Variants in ARID1A observed in about 807,000 individuals in gnomAD.
The protein encoded by ARID1A is AT-rich interaction domain 1A.
ARID1A carries 20 observed loss-of-function variants against 212.6 expected under a neutral mutation model. That is an observed-to-expected ratio of 0.09 (90% CI 0.07 to 0.14). The LOEUF (loss-of-function observed/expected upper bound fraction) is 0.14, where lower values mean the gene tolerates loss of function less well. Among genes scored for constraint, ARID1A ranks in the 10% least tolerant of loss-of-function variants. The pLI, the probability that ARID1A is intolerant of heterozygous loss-of-function variation, is 1.00. For missense variants in ARID1A, 2,587 were observed against 3,059.0 expected, an observed-to-expected ratio of 0.85 and a Z score of 3.64; for synonymous variants, 1,376 against 1,222.1, an observed-to-expected ratio of 1.13 and a Z score of -2.63.
rs1014988053 is a variant in ARID1A at position 26,773,626 on chromosome 1, C to T, written c.3913C>T (p.Pro1305Ser). Residue 1305 changes from proline to serine, a missense_variant, in exon 16 of 20, where the codon CCA becomes TCA. Coordinates refer to ENST00000324856, the MANE Select transcript of ARID1A (RefSeq NM_006015.6). The stretch of plus-strand genomic sequence containing the variant: ...TGAGGGAAACATGAGCACTGGGGCC[C>T]CACAGCCGAATCTCATGCCTTCCAA... ...GPEGNMSTGA[P>S]QPNLMPSNPD... 4 of 1,614,184 alleles carry T rather than the reference C, an allele frequency of 2.5e-6. No individual in the cohort carries two copies. Among genetic ancestry groups the T allele is most frequent in the Admixed American group, 1.7e-5 (1 of 60,024 alleles).
In ARID1A at chr1:26,774,975, C is replaced by T. The variant is rs2124122009; in HGVS notation, c.4748C>T (p.Pro1583Leu). 2 of 1,548,148 alleles carry T rather than the reference C, an allele frequency of 1.3e-6. No individual in the cohort carries two copies. Residue 1583 changes from proline (P) to leucine (L), a missense_variant, in exon 18 of 20, where the codon CCT (proline) becomes CTT (leucine). This residue lies in a region of ARID1A where 890 missense variants were observed against 1,098.2 expected (regional missense o/e 0.81). Transcript: ENST00000324856. The surrounding 1 kb of genome is among the most constrained non-coding windows in gnomAD (Gnocchi z 5.6). ...QPPPSMQNHI[P>L]QVSSPAPLPR... is the part of the protein sequence containing the mutation. ...CCACCAAGCATGCAGAATCACATTC[C>T]TCAGGTATCCAGCCCTGCTCCCCTG...
intron 4 of ARID1A, among the ~76,000 whole-genome samples, chr1:26,745,210 G>A (rs1485880011): frequency 2.0e-5 from 3 of 152,166 alleles, no homozygotes; most frequent in Non-Finnish European, 2.9e-5. Flanking sequence ...CCAGGGGAAC[G>A]TCTATCTCGG....
rs2081192373 is a variant in ARID1A at position 26,781,276 on chromosome 1, G to A, written c.*520G>A. 1 of 235,582 alleles carries A rather than the reference G, an allele frequency of 4.2e-6. No individual in the cohort carries two copies. Among genetic ancestry groups the A allele is most frequent in the Non-Finnish European group, 8.4e-6 (1 of 119,606 alleles). 14.6% of individuals were successfully genotyped at this position (235,582 alleles called of 1,614,324 possible). A position where few individuals can be genotyped will look rare whatever the true frequency, so the allele number is the denominator to read the frequency against. On this transcript the variant is annotated 3_prime_UTR_variant, in exon 20 of 20. Transcript: ENST00000324856. The stretch of plus-strand genomic sequence containing the variant: ...TCTTGCAGGAGCCAAGAAGTTCGCA[G>A]TTGTGAACAGACCCTGTTCACTGGA...
intron 1 of ARID1A, among the ~76,000 whole-genome samples, chr1:26,704,292 G>A (rs1362426986): frequency 6.6e-6 from 1 of 152,178 alleles, no homozygotes; most frequent in East Asian, 1.9e-4. Flanking sequence ...GATTTGGAAG[G>A]TCATGTCACC....
rs538875871 is a variant in ARID1A, at chr1:26,744,117, C to T, written c.1920+11325C>T. 3.3e-5 allele frequency among the ~76,000 whole-genome samples: 5 copies of T among 152,258 alleles called. No individual in the cohort carries two copies. The South Asian group carries it at 1.0e-3, about 32-fold the overall frequency. On this transcript the variant is annotated intron_variant, in intron 4 of 19. Coordinates refer to ENST00000324856, the MANE Select transcript of ARID1A (RefSeq NM_006015.6). ...TATCTGCCCAGACTGCTAAGAGCAG[C>T]ATGTACCCTGTGCATGTAGCCATCC...
chr1:26,736,490 G>C (rs1362162657), intron 4 of ARID1A, among the ~76,000 whole-genome samples: 4 of 151,804 alleles, frequency 2.6e-5, no homozygotes, highest in Non-Finnish European at 5.9e-5. Context: ...TTAGCTGGGC[G>C]TGGTGGCGGG....
chr1:26,715,678 T>C (rs972836727), intron 1 of ARID1A, among the ~76,000 whole-genome samples: 1 of 152,202 alleles, frequency 6.6e-6, no homozygotes, highest in African/African-American at 2.4e-5. Flanking sequence ...GTTCACTTAA[T>C]TGCCCAGTCC....
chr1:26,697,063 C>G lies in ARID1A; in HGVS notation c.660C>G (p.Ser220Arg), dbSNP rs2080273020. 6.6e-7 allele frequency: 1 copy of G among 1,516,278 alleles called. No individual in the cohort carries two copies. The highest frequency in any genetic ancestry group is 8.8e-7 in the Non-Finnish European group (1 of 1,136,948). The allele number at this position is 1,516,278 out of a possible 1,614,324, so 93.9% of individuals were successfully genotyped here. Residue 220 changes from serine (S) to arginine (R), a missense_variant, in exon 1 of 20, where the codon AGC becomes AGG. This residue lies in a region of ARID1A where 735 missense variants were observed against 590.6 expected (regional missense o/e 1.24). Coordinates refer to ENST00000324856, the MANE Select transcript of ARID1A (RefSeq NM_006015.6). ...ACAACTCCTACTACCCCAACCGCAG[C>G]GCCTACCCCCCGCCCGCCCCGGCCT... ...HQYNSYYPNR[S>R]AYPPPAPAYA...
chr1:26,735,116 ATT>A (rs35465692), intron 4 of ARID1A, among the ~76,000 whole-genome samples: 43 of 131,510 alleles, frequency 3.3e-4, no homozygotes, highest in Non-Finnish European at 4.3e-4. Context: ...AAAATCCAGA[ATT>A]TTTTTTTTTT....
chr1:26,699,104 ATCAG>A (rs1340276856), intron 1 of ARID1A, among the ~76,000 whole-genome samples: 1 of 152,144 alleles, frequency 6.6e-6, no homozygotes, highest in African/African-American at 2.4e-5. Flanking sequence ...CTGTTTTGTC[ATCAG>A]TCATTTTAGA....
intron 1 of ARID1A, among the ~76,000 whole-genome samples, chr1:26,719,942 A>C (rs1024065452): frequency 3.5e-5 from 4 of 115,902 alleles, no homozygotes; most frequent in Admixed American, 8.3e-5. Context: ...AGTCCGTCTC[A>C]AAAAAAAAAA....
At position 26,755,869 on chromosome 1, in the gene ARID1A, G is replaced by A. The variant is rs572711252; in HGVS notation, c.1921-4987G>A. On this transcript the variant is annotated intron_variant, in intron 4 of 19. Coordinates refer to ENST00000324856, the MANE Select transcript of ARID1A (RefSeq NM_006015.6). ...CGCCATTCTCCTGCCTCAGCCTCCC[G>A]AGTAACTGGGACTGCAGGCACCTGC... Among the ~76,000 whole-genome samples the A allele has an allele frequency of 2.0e-4, 30 of 151,454 alleles. No homozygotes were observed. The South Asian group carries it at 4.0e-3, about 20-fold the overall frequency.
chr1:26,730,953 A>C (rs1174937008), intron 2 of ARID1A, among the ~76,000 whole-genome samples, 199 bp from the exon 3 acceptor site: 2 of 152,188 alleles, frequency 1.3e-5, no homozygotes, highest in East Asian at 3.8e-4. Flanking sequence ...ACTTGTAAAC[A>C]AACCACCTAA....
chr1:26,754,086 C>T (rs1252837014), intron 4 of ARID1A, among the ~76,000 whole-genome samples: 1 of 152,188 alleles, frequency 6.6e-6, no homozygotes, highest in Admixed American at 6.5e-5. Context: ...GGATTACAGG[C>T]ATGAGCCACC....
rs962566886 is a variant in ARID1A at position 26,696,599 on chromosome 1, C to T, written c.196C>T (p.Pro66Ser). 53 of 1,234,028 alleles carry T rather than the reference C, an allele frequency of 4.3e-5. No individual in the cohort carries two copies. Among genetic ancestry groups the T allele is most frequent in the Non-Finnish European group, 5.1e-5 (51 of 990,508 alleles). The allele number at this position is 1,234,028 out of a possible 1,614,324, so 76.4% of individuals were successfully genotyped here. A position where few individuals can be genotyped will look rare whatever the true frequency, so the allele number is the denominator to read the frequency against. Reference protein sequence around the residue: ...QESEGPAVGPPQPLGKELQDG... With the variant: ...QESEGPAVGPSQPLGKELQDG... ...AAGCGAGGGCCCCGCCGTGGGGCCGCCGCAGCCGCTGGGAAAGGAGCTGCA... is the reference window on the plus strand; with the variant it reads ...AAGCGAGGGCCCCGCCGTGGGGCCGTCGCAGCCGCTGGGAAAGGAGCTGCA... The change falls in exon 1 of 20, where the codon CCG (proline) becomes TCG (serine). Residue 66 changes from proline to serine, a missense_variant. Transcript: ENST00000324856.
intron 1 of ARID1A, among the ~76,000 whole-genome samples, chr1:26,700,747 T>C (rs1436322061): frequency 6.6e-6 from 1 of 152,236 alleles, no homozygotes; most frequent in East Asian, 1.9e-4. Context: ...AGATTTATTA[T>C]GGGAATGCCT....
chr1:26,736,521 C>G (rs1170719687), intron 4 of ARID1A, among the ~76,000 whole-genome samples: 1 of 150,436 alleles, frequency 6.6e-6, no homozygotes, highest in Non-Finnish European at 1.5e-5. Flanking sequence ...CCCAGCTACT[C>G]AGGAGGCTGA....
Position 26,696,738 on chromosome 1 carries a change from C to T in ARID1A, c.335C>T (p.Ala112Val), listed in dbSNP as rs1352457210. The T allele has an allele frequency of 2.2e-6, 3 of 1,375,242 alleles. No individual in the cohort carries two copies. Among genetic ancestry groups the T allele is most frequent in the Admixed American group, 7.4e-5 (2 of 26,862 alleles). 85.2% of individuals were successfully genotyped at this position (1,375,242 alleles called of 1,614,324 possible). ...NSNGNAGPRP[A>V]LNNNLTEPPG... ...AACGGGAACGCGGGCCCTAGGCCCG[C>T]CCTGAACAATAACCTCACGGAGCCG... Residue 112 changes from alanine to valine, a missense_variant, in exon 1 of 20, where the codon GCC becomes GTC. By Grantham distance (64) the Ala-to-Val change is moderately conservative. This residue lies in a region of ARID1A where 735 missense variants were observed against 590.6 expected (regional missense o/e 1.24). Transcript: ENST00000324856.
At position 26,697,070 on chromosome 1, in the gene ARID1A, C is replaced by A; in HGVS notation, c.667C>A (p.Pro223Thr). ...CTACTACCCCAACCGCAGCGCCTAC[C>A]CCCCGCCCGCCCCGGCCTACGCGCT... is the stretch of plus-strand genomic sequence containing the variant. The part of the protein sequence containing the change: ...NSYYPNRSAY[P>T]PPAPAYALSS... The change falls in exon 1 of 20, where the codon CCC becomes ACC. Residue 223 changes from proline (P) to threonine (T), a missense_variant. Physicochemically the swap from Pro to Thr is conservative, Grantham distance 38 (BLOSUM62 -1). Around this residue, in one of 11 missense-constraint regions of ARID1A, gnomAD observed 735 missense variants for 590.6 expected, o/e 1.24. Transcript: ENST00000324856. 2 of 1,502,592 alleles carry A rather than the reference C, an allele frequency of 1.3e-6. No individual in the cohort carries two copies. Among genetic ancestry groups the A allele is most frequent in the Non-Finnish European group, 1.8e-6 (2 of 1,130,568 alleles). The allele number at this position is 1,502,592 out of a possible 1,614,324, so 93.1% of individuals were successfully genotyped here.
Sources: gnomAD v4.1 joint callset for allele counts (sites outside exome capture counted in the v4.1 genomes callset) on GRCh38, gnomAD v4.1.1 for gene constraint, gnomAD v4.1.1 regional missense constraint, Gnocchi (gnomAD v3.1) non-coding constraint, MANE v1.5 for transcripts, NCBI Gene and HGNC (gene_info 2026-07-23, HGNC 2026-07-21) for gene names.